ARHGEF18: variants seen among roughly 807,000 people sequenced by gnomAD.
The protein encoded by ARHGEF18 is Rho/Rac guanine nucleotide exchange factor 18, also known as rho guanine nucleotide exchange factor 18.
ARHGEF18 carries 93 observed loss-of-function variants against 155.7 expected under a neutral mutation model. That is an observed-to-expected ratio of 0.60 (90% CI 0.50 to 0.71). ARHGEF18 has a LOEUF of 0.71. Among genes scored for constraint, ARHGEF18 ranks in the 30% least tolerant of loss-of-function variants. ARHGEF18 has a pLI of 0.00. For missense variants in ARHGEF18, 1,593 were observed against 1,816.1 expected, an observed-to-expected ratio of 0.88 and a Z score of 2.23; for synonymous variants, 742 against 753.1, an observed-to-expected ratio of 0.99 and a Z score of 0.24.
chr19:7,449,600 G>A (rs1298234324), intron 15 of ARHGEF18, among the ~76,000 whole-genome samples: 1 of 152,076 alleles, frequency 6.6e-6, no homozygotes, highest in Non-Finnish European at 1.5e-5. Flanking sequence ...TGGGTTAGGG[G>A]GTGTGTGTTC....
At chr19:7,450,311 C>T (rs200280068) in intron 15 of ARHGEF18, among the ~76,000 whole-genome samples, 133 of 2,176 alleles carry the variant, frequency 0.061, no homozygotes, top group East Asian at 0.081. Context: ...ATTTCCAAGA[C>T]GTTAATACAG....
intron 1 of ARHGEF18, among the ~76,000 whole-genome samples, chr19:7,358,244 C>CCATCCATCCAT (rs1451313360): frequency 2.0e-4 from 3 of 14,804 alleles, no homozygotes; most frequent in Non-Finnish European, 7.4e-4. Context: ...CATCCATCCA[C>CCATCCATCCAT]CCATCCACCC....
At chr19:7,365,884 G>C (rs551077006) in intron 2 of ARHGEF18, among the ~76,000 whole-genome samples, 1 of 152,268 alleles carries the variant, frequency 6.6e-6, no homozygotes, top group African/African-American at 2.4e-5. Context: ...CGGGTGTCCT[G>C]GCTGGGCCAC....
intron 16 of ARHGEF18, 47 bp from the exon 17 acceptor site, chr19:7,453,420 T>G: frequency 6.5e-7 from 1 of 1,543,000 alleles, no homozygotes; most frequent in Non-Finnish European, 8.8e-7. Context: ...CCACTTCTGT[T>G]GTGTTAAAGT....
chr19:7,349,826 A>G (rs1405413014), intron 1 of ARHGEF18, among the ~76,000 whole-genome samples: 1 of 152,116 alleles, frequency 6.6e-6, no homozygotes, highest in Non-Finnish European at 1.5e-5. Flanking sequence ...GAGACAGAGA[A>G]TGAATGGGGG....
intron 10 of ARHGEF18, among the ~76,000 whole-genome samples, chr19:7,439,074 G>T (rs570087372): frequency 3.3e-5 from 5 of 151,824 alleles, no homozygotes; most frequent in Middle Eastern, 3.4e-3. Flanking sequence ...TTTTTAAGTA[G>T]AGACGGGGGT....
rs79679212 is a variant in ARHGEF18 at position 7,406,035 on chromosome 19, A to G, written c.967+22832A>G. On this transcript the variant is annotated intron_variant, in intron 10 of 28. Coordinates refer to ENST00000668164, the MANE Select transcript of ARHGEF18 (RefSeq NM_001367823.1). ...AGGTCTCACTCTTTAGAACCAGTTA[A>G]TTGCAGAGAGGAAAGAGGAGGTCTT... Among the ~76,000 whole-genome samples, 1,368 of 152,234 alleles carry G rather than the reference A, an allele frequency of 9.0e-3. 15 individuals carry two copies. Among genetic ancestry groups the G allele is most frequent in the African/African-American group, 0.031 (1,270 of 41,554 alleles).
At chr19:7,375,303 A>G (rs1351485451) in intron 3 of ARHGEF18, among the ~76,000 whole-genome samples, 1 of 146,294 alleles carries the variant, frequency 6.8e-6, no homozygotes. Context: ...AGAAAGAAAG[A>G]AAAGAAAGAA....
chr19:7,431,510 C>CAA (rs34609858), intron 10 of ARHGEF18, among the ~76,000 whole-genome samples: 2,212 of 49,174 alleles, frequency 0.045, 190 homozygotes, highest in African/African-American at 0.12. Flanking sequence ...GACTCCATCT[C>CAA]AAAAAAAAAA....
chr19:7,386,481 G>A (rs922482682), intron 10 of ARHGEF18, among the ~76,000 whole-genome samples: 3 of 152,002 alleles, frequency 2.0e-5, no homozygotes, highest in African/African-American at 7.2e-5. Context: ...ACCCCCAGGT[G>A]AGGACCACGG....
intron 10 of ARHGEF18, among the ~76,000 whole-genome samples, chr19:7,419,542 C>T (rs1423228973): frequency 6.6e-6 from 1 of 152,118 alleles, no homozygotes; most frequent in East Asian, 1.9e-4. Flanking sequence ...ACCCCTCTCT[C>T]CCTACCCTTG....
chr19:7,370,271 G>A (rs1295621934), intron 2 of ARHGEF18, among the ~76,000 whole-genome samples: 2 of 152,124 alleles, frequency 1.3e-5, no homozygotes, highest in Non-Finnish European at 2.9e-5. Context: ...CAAAGCGGGT[G>A]GATCACGAGG....
intron 15 of ARHGEF18, among the ~76,000 whole-genome samples, 173 bp from the exon 16 acceptor site, chr19:7,450,976 G>A (rs1600491606): frequency 6.6e-6 from 1 of 151,954 alleles, no homozygotes; most frequent in Non-Finnish European, 1.5e-5. Context: ...GTCCGTTTCC[G>A]AGATGTTAAT....
At chr19:7,466,820 A>G in intron 23 of ARHGEF18, 98 bp from the exon 24 acceptor site, 1 of 1,119,658 alleles carries the variant, frequency 8.9e-7, no homozygotes, top group South Asian at 1.4e-5. Flanking sequence ...AAAAAAAAAA[A>G]AAAAAAGTTA....
chr19:7,419,611 C>A (rs1973232672), intron 10 of ARHGEF18, among the ~76,000 whole-genome samples: 1 of 152,082 alleles, frequency 6.6e-6, no homozygotes. Flanking sequence ...CCCTCAAAAC[C>A]CTTTTCTCTT....
chr19:7,440,198 C>G lies in ARHGEF18; in HGVS notation c.968-146C>G. 1 of 1,551,590 alleles carries G rather than the reference C, an allele frequency of 6.4e-7. No individual in the cohort carries two copies. On this transcript the variant is annotated intron_variant, in intron 10 of 28. Transcript: ENST00000668164. This position sits in a 1 kb window ranked among gnomAD's most constrained non-coding sequence, Gnocchi z 5.4. ...ACGGCTCTTTCCCCAGGAAATGGAG[C>G]GAGAACGTCTTCTTGGATAACGAGC...
intron 10 of ARHGEF18, among the ~76,000 whole-genome samples, chr19:7,438,046 CTCTCTT>C (rs1974378735): frequency 9.3e-6 from 1 of 107,298 alleles, no homozygotes; most frequent in African/African-American, 3.8e-5. Flanking sequence ...CTCTTCTCTC[CTCTCTT>C]CTCTCTTCTC....
intron 10 of ARHGEF18, among the ~76,000 whole-genome samples, chr19:7,420,956 A>G (rs1364318049): frequency 6.6e-6 from 1 of 152,078 alleles, no homozygotes; most frequent in African/African-American, 2.4e-5. Context: ...GTTTTGAAAC[A>G]GTCTTGCTCT....
intron 18 of ARHGEF18, among the ~76,000 whole-genome samples, chr19:7,457,581 T>G (rs1975927337): frequency 1.3e-5 from 2 of 152,116 alleles, no homozygotes; most frequent in South Asian, 4.2e-4. Flanking sequence ...CAGGCTGGTC[T>G]TGAACTCCTG....
Sources: allele counts gnomAD v4.1 joint callset (sites outside exome capture counted in the v4.1 genomes callset), GRCh38; gene constraint gnomAD v4.1.1; non-coding constraint Gnocchi (gnomAD v3.1); transcripts MANE v1.5; gene names NCBI Gene and HGNC (gene_info 2026-07-23, HGNC 2026-07-21).